Variants in UBASH3B observed in about 807,000 individuals in gnomAD.
UBASH3B encodes the protein ubiquitin-associated and SH3 domain-containing protein B.
Under a neutral mutation model 83.4 loss-of-function variants are expected in UBASH3B, and 37 were observed. The observed-to-expected ratio is 0.44, with a 90% CI of 0.34 to 0.58. The LOEUF is 0.58. Among genes scored for constraint, UBASH3B ranks in the 20% least tolerant of loss-of-function variants. The pLI is 0.01. For synonymous variants in UBASH3B, 304 were observed against 318.3 expected (o/e 0.96, Z 0.48); for missense variants, 657 against 827.2 (o/e 0.79, Z 2.52).
chr11:122,691,690 G>A (rs1304365404), intron 1 of UBASH3B, among the ~76,000 whole-genome samples: 3 of 152,174 alleles, frequency 2.0e-5, no homozygotes, highest in African/African-American at 4.8e-5. Context: ...CAAAATGTGG[G>A]TATTTTACAA....
At chr11:122,663,508 C>T (rs1358950188) in intron 1 of UBASH3B, among the ~76,000 whole-genome samples, 5 of 152,196 alleles carry the variant, frequency 3.3e-5, no homozygotes, top group Non-Finnish European at 5.9e-5. Flanking sequence ...AGTCCAGCTC[C>T]CTTTCAGGGA....
chr11:122,722,449 G>A (rs1352903862), intron 1 of UBASH3B, among the ~76,000 whole-genome samples: 4 of 152,120 alleles, frequency 2.6e-5, no homozygotes, highest in East Asian at 1.9e-4. Context: ...TGAGAGAGAC[G>A]GGAAATGTCT....
intron 1 of UBASH3B, among the ~76,000 whole-genome samples, chr11:122,757,727 T>G (rs898843199): frequency 6.9e-6 from 1 of 145,084 alleles, no homozygotes; most frequent in Non-Finnish European, 1.5e-5. Flanking sequence ...TTTTTTTTTT[T>G]TTTTTGAGAC....
chr11:122,697,113 A>C (rs1259247120), intron 1 of UBASH3B, among the ~76,000 whole-genome samples: 3 of 152,034 alleles, frequency 2.0e-5, no homozygotes, highest in African/African-American at 7.2e-5. Context: ...TTTGGGGGGG[A>C]AGTTTGAAGT....
At chr11:122,775,109 T>C (rs571065108) in intron 1 of UBASH3B, among the ~76,000 whole-genome samples, 1 of 152,362 alleles carries the variant, frequency 6.6e-6, no homozygotes, top group East Asian at 1.9e-4. Flanking sequence ...TCTTGTTCAT[T>C]ACTGTATTCC....
chr11:122,801,863 C>A (rs950874831), intron 11 of UBASH3B, among the ~76,000 whole-genome samples: 2 of 152,120 alleles, frequency 1.3e-5, no homozygotes, highest in African/African-American at 4.8e-5. Flanking sequence ...TAATAATAAA[C>A]TTTATTCATC....
At chr11:122,741,404 T>C (rs1218109666) in intron 1 of UBASH3B, among the ~76,000 whole-genome samples, 1 of 152,312 alleles carries the variant, frequency 6.6e-6, no homozygotes, top group East Asian at 1.9e-4. Flanking sequence ...CATTGGCTGT[T>C]TACCAATAAA....
chr11:122,799,128 C>T lies in UBASH3B; in HGVS notation c.1450+94C>T, dbSNP rs888690115. ...TATCTTAGAGCCATGGGACATTTGC[C>T]AGTTGAAAGCTTTGAATCTGGAATG... is the stretch of plus-strand genomic sequence containing the variant. On this transcript the variant is annotated intron_variant, in intron 10 of 13. Transcript: ENST00000284273. The T allele has an allele frequency of 2.4e-5, 25 of 1,034,276 alleles. No individual in the cohort carries two copies. The Admixed American group carries it at 4.7e-4, about 20-fold the overall frequency. The allele number at this position is 1,034,276 out of a possible 1,614,324, so 64.1% of individuals were successfully genotyped here. A position where few individuals can be genotyped will look rare whatever the true frequency, so the allele number is the denominator to read the frequency against.
At position 122,764,064 on chromosome 11, in the gene UBASH3B, C is replaced by T. The variant is rs533574506; in HGVS notation, c.162-12155C>T. ...CTCTATCGGGTACAGAAAAGGGTGG[C>T]GTAAGTTTGAGTGTCGTTGGAAGGA... On this transcript the variant is annotated intron_variant, in intron 1 of 13. Coordinates refer to ENST00000284273, the MANE Select transcript of UBASH3B (RefSeq NM_032873.5). 7.9e-5 allele frequency among the ~76,000 whole-genome samples: 12 copies of T among 152,160 alleles called. No individual in the cohort carries two copies. In the South Asian group the frequency reaches 2.1e-3, roughly 26 times the overall value.
chr11:122,716,527 C>T (rs12292477), intron 1 of UBASH3B, among the ~76,000 whole-genome samples: 25,511 of 152,174 alleles, frequency 0.17, 2,976 homozygotes, highest in African/African-American at 0.33. Context: ...CTCTGCCCCT[C>T]TAATATCCCT....
At chr11:122,657,342 C>G (rs1248521491) in intron 1 of UBASH3B, among the ~76,000 whole-genome samples, 2 of 152,000 alleles carry the variant, frequency 1.3e-5, no homozygotes, top group Non-Finnish European at 1.5e-5. Flanking sequence ...TGTCGCCAGG[C>G]TAGAGTGCAG....
Position 122,683,562 on chromosome 11 carries a change from G to A in UBASH3B, c.161+27352G>A, listed in dbSNP as rs879915713. 8.0e-5 allele frequency among the ~76,000 whole-genome samples: 12 copies of A among 149,962 alleles called. No homozygotes were observed. In the South Asian group the frequency reaches 8.4e-4, roughly 10 times the overall value. ...GGAGGTTGCAGTGAGCTGAGATTGCGCCACTGCCCTTCAGCCTGGGGGACA... is the reference window on the plus strand; with the variant it reads ...GGAGGTTGCAGTGAGCTGAGATTGCACCACTGCCCTTCAGCCTGGGGGACA... On this transcript the variant is annotated intron_variant, in intron 1 of 13. Coordinates refer to ENST00000284273, the MANE Select transcript of UBASH3B (RefSeq NM_032873.5).
chr11:122,679,362 G>T (rs1316576540), intron 1 of UBASH3B, among the ~76,000 whole-genome samples: 1 of 152,228 alleles, frequency 6.6e-6, no homozygotes, highest in East Asian at 1.9e-4. Flanking sequence ...CCCCGGAAAG[G>T]CACCAAAGGA....
chr11:122,660,513 G>A (rs1303213645), intron 1 of UBASH3B, among the ~76,000 whole-genome samples: 1 of 152,176 alleles, frequency 6.6e-6, no homozygotes, highest in East Asian at 1.9e-4. Context: ...GACCTCACAG[G>A]CCAGGAGAGG....
chr11:122,770,571 G>A (rs1165903735), intron 1 of UBASH3B, among the ~76,000 whole-genome samples: 2 of 151,896 alleles, frequency 1.3e-5, no homozygotes, highest in South Asian at 2.1e-4. Context: ...GATTACAAAC[G>A]CAAAGAGACA....
In UBASH3B at chr11:122,656,140, C is replaced by A; in HGVS notation, c.91C>A (p.Arg31Ser). 6.3e-7 allele frequency: 1 copy of A among 1,589,866 alleles called. No homozygotes were observed. The highest frequency in any genetic ancestry group is 8.6e-7 in the Non-Finnish European group (1 of 1,169,296). Residue 31 changes from arginine to serine, a missense_variant, in exon 1 of 14, where the codon CGC becomes AGC. This residue lies in a region of UBASH3B where 78 missense variants were observed against 68.4 expected (regional missense o/e 1.14). Transcript: ENST00000284273. ...KVTPRRNRQQ[R>S]PGTIKHGSAL... ...CACCCCCCGGAGGAACCGCCAACAG[C>A]GCCCCGGCACCATCAAGCATGGATC...
chr11:122,688,645 AT>A (rs113447002), intron 1 of UBASH3B, among the ~76,000 whole-genome samples: 1,237 of 100,768 alleles, frequency 0.012, 16 homozygotes, highest in African/African-American at 0.054. Context: ...ATTTTATTTT[AT>A]TTTATTTTAT....
intron 1 of UBASH3B, among the ~76,000 whole-genome samples, chr11:122,706,106 C>CTTTTTTTTTTTTTTTTTTTTTTTTT (rs36055058): frequency 7.9e-6 from 1 of 127,034 alleles, no homozygotes; most frequent in African/African-American, 3.1e-5. Context: ...TCTTTTCTTT[C>CTTTTTTTTTTTTTTTTTTTTTTTTT]TTTTTTTTTT....
chr11:122,752,977 C>T (rs1008049836), intron 1 of UBASH3B, among the ~76,000 whole-genome samples: 9 of 152,060 alleles, frequency 5.9e-5, no homozygotes, highest in East Asian at 1.9e-4. Flanking sequence ...GTTTGGAACC[C>T]GTGCTAGAAC....
Sources: allele counts gnomAD v4.1 joint callset (sites outside exome capture counted in the v4.1 genomes callset), GRCh38; gene constraint gnomAD v4.1.1; regional missense constraint gnomAD v4.1.1; transcripts MANE v1.5; gene names NCBI Gene and HGNC (gene_info 2026-07-23, HGNC 2026-07-21).